VASH2: variants seen among roughly 807,000 people sequenced by gnomAD.
The protein encoded by VASH2 is vasohibin 2.
A neutral mutation model predicts 37.2 loss-of-function variants in VASH2; 28 were observed. The ratio of observed to expected loss-of-function variants is 0.75; its 90% CI spans 0.56 to 1.03. VASH2 has a LOEUF of 1.03. VASH2 is among the 50% of genes least tolerant of loss of function. VASH2 has a pLI of 0.00. For synonymous variants in VASH2, 188 were observed against 174.7 expected (o/e 1.08, Z -0.60); for missense variants, 419 against 459.1 (o/e 0.91, Z 0.80).
chr1:212,959,142 A>T (rs1263905652), intron 2 of VASH2, among the ~76,000 whole-genome samples: 1 of 152,186 alleles, frequency 6.6e-6, no homozygotes, highest in Non-Finnish European at 1.5e-5. Flanking sequence ...TGCTAAAGAC[A>T]TACTTGTTCA....
intron 7 of VASH2, among the ~76,000 whole-genome samples, chr1:212,980,872 G>A (rs78882350): frequency 0.026 from 3,907 of 152,296 alleles, 65 homozygotes; most frequent in Middle Eastern, 0.071. Context: ...CGCCAAGATG[G>A]TGAAGGGGCA....
rs111890314 is a variant in VASH2, at chr1:212,970,898, G to GA, written c.498-1672dup. Among the ~76,000 whole-genome samples, 125 of 143,504 alleles carry GA rather than the reference G, an allele frequency of 8.7e-4. 1 individual carries two copies. The highest frequency in any genetic ancestry group is 2.2e-3 in the East Asian group (11 of 4,918). The allele number at this position is 143,504 out of a possible 152,430, so 94.1% of individuals were successfully genotyped here. A position where few individuals can be genotyped will look rare whatever the true frequency, so the allele number is the denominator to read the frequency against. On this transcript the variant is annotated intron_variant, in intron 5 of 7. Transcript: ENST00000517399. ...GAGTGAGACTGTGTCTCAAAAAAAT[G>GA]AAAAAAAAAAGACCACCATTCCTCC... is the stretch of plus-strand genomic sequence containing the variant.
chr1:212,958,461 G>C (rs976480279), intron 2 of VASH2, among the ~76,000 whole-genome samples: 6 of 152,170 alleles, frequency 3.9e-5, no homozygotes, highest in African/African-American at 1.4e-4. Context: ...CTATTTTGGG[G>C]ACCACCTGCC....
At chr1:212,982,145 G>T (rs540499069) in intron 7 of VASH2, among the ~76,000 whole-genome samples, 1 of 152,208 alleles carries the variant, frequency 6.6e-6, no homozygotes, top group Non-Finnish European at 1.5e-5. Flanking sequence ...ACCTGTCATT[G>T]GGGTTAAGTG....
At chr1:212,986,189 CTT>C (rs1667474218) in intron 7 of VASH2, among the ~76,000 whole-genome samples, 1 of 152,144 alleles carries the variant, frequency 6.6e-6, no homozygotes, top group South Asian at 2.1e-4. Context: ...TGCATTTAAT[CTT>C]TTTCTAAAGC....
At chr1:212,983,250 G>A (rs1043227488) in intron 7 of VASH2, among the ~76,000 whole-genome samples, 15 of 152,184 alleles carry the variant, frequency 9.9e-5, no homozygotes, top group African/African-American at 3.6e-4. Context: ...AGTCCATTTT[G>A]TGTCGCTGTA....
In VASH2 at chr1:212,989,407, T is replaced by G. The variant is rs1489203238; in HGVS notation, c.*823T>G. On this transcript the variant is annotated 3_prime_UTR_variant, in exon 8 of 8. Transcript: ENST00000517399. ...AAAAAGCACAAGAGGTCACGTACTA[T>G]TATACAAATTTAGCGGTACTGGATT... 1 of 152,192 alleles carries G rather than the reference T, an allele frequency of 6.6e-6. No homozygotes were observed. The highest frequency in any genetic ancestry group is 1.5e-5 in the Non-Finnish European group (1 of 68,038). The allele number at this position is 152,192 out of a possible 1,614,324, so 9.4% of individuals were successfully genotyped here. A position where few individuals can be genotyped will look rare whatever the true frequency, so the allele number is the denominator to read the frequency against.
chr1:212,985,419 C>CTT (rs144366214), intron 7 of VASH2, among the ~76,000 whole-genome samples: 46 of 135,686 alleles, frequency 3.4e-4, no homozygotes, highest in African/African-American at 6.2e-4. Flanking sequence ...TAGAGACCAT[C>CTT]TTTTTTTTTT....
intron 5 of VASH2, chr1:212,969,255 A>C (rs3010775): frequency 0.08 from 73,294 of 919,896 alleles, 3,204 homozygotes; most frequent in Non-Finnish European, 0.088. Flanking sequence ...TGCAGTGGCG[A>C]GATCTCAGCT....
intron 3 of VASH2, among the ~76,000 whole-genome samples, chr1:212,963,722 T>A (rs1053955533): frequency 6.6e-6 from 1 of 152,054 alleles, no homozygotes; most frequent in Non-Finnish European, 1.5e-5. Flanking sequence ...TTTCAGGGAC[T>A]CAATGATTAA....
At position 212,988,586 on chromosome 1, in the gene VASH2, C is replaced by CA. The variant is rs1391696333; in HGVS notation, c.*4dup. 1.9e-6 allele frequency: 3 copies of CA among 1,612,264 alleles called. No homozygotes were observed. The African/African-American group carries it at 4.0e-5, about 22-fold the overall frequency. On this transcript the variant is annotated 3_prime_UTR_variant, in exon 8 of 8. Transcript: ENST00000517399. ...GTGGGCTATCAAATCCGAATTTAGC[C>CA]AAGCCATACCGGCCAGCAAGAGGGT...
Position 212,974,058 on chromosome 1 carries a change from G to T in VASH2, c.983G>T (p.Arg328Leu). 1 of 1,612,204 alleles carries T rather than the reference G, an allele frequency of 6.2e-7. No individual in the cohort carries two copies. Residue 328 changes from arginine (R) to leucine (L), a missense_variant, in exon 7 of 8, where the codon CGG becomes CTG. This residue lies in a region of VASH2 where 177 missense variants were observed against 166.2 expected (regional missense o/e 1.06). Transcript: ENST00000517399. ...GCAAGCCCCCCGAGGAGGCTCGGCC[G>T]GCGAGAGAAGTCGTGAGTAATATTT... ...RQASPPRRLG[R>L]REKSPALPEK... is the part of the protein sequence containing the mutation.
At chr1:212,966,651 A>G (rs1024093943) in intron 5 of VASH2, among the ~76,000 whole-genome samples, 4 of 152,182 alleles carry the variant, frequency 2.6e-5, no homozygotes, top group Non-Finnish European at 5.9e-5. Flanking sequence ...GAGGGACTAG[A>G]GAGAGTGTGT....
chr1:212,966,100 C>T (rs1666833078), intron 4 of VASH2, 171 bp from the exon 5 acceptor site: 3 of 634,934 alleles, frequency 4.7e-6, no homozygotes, highest in Non-Finnish European at 8.4e-6. Context: ...GCACTAACTC[C>T]AGGAATTAAC....
intron 6 of VASH2, chr1:212,973,465 A>G: frequency 2.3e-6 from 3 of 1,290,938 alleles, no homozygotes; most frequent in Non-Finnish European, 3.0e-6. Context: ...TGCTGACTTC[A>G]GGCCTGGCTA....
At chr1:212,959,068 C>T (rs186162538) in intron 2 of VASH2, among the ~76,000 whole-genome samples, 1 of 152,276 alleles carries the variant, frequency 6.6e-6, no homozygotes, top group African/African-American at 2.4e-5. Context: ...CTCCTCTCTG[C>T]CTCTGCTCCT....
chr1:212,988,785 A>G lies in VASH2; in HGVS notation c.*201A>G. Reference sequence around the variant, plus strand: ...AAGGCACCATGAAAAGGCTGAAGTAATAAGCCCCACTGGGGTTGGACTATG... The same window carrying G: ...AAGGCACCATGAAAAGGCTGAAGTAGTAAGCCCCACTGGGGTTGGACTATG... On this transcript the variant is annotated 3_prime_UTR_variant, in exon 8 of 8. Coordinates refer to ENST00000517399, the MANE Select transcript of VASH2 (RefSeq NM_001301056.2). 1 of 592,280 alleles carries G rather than the reference A, an allele frequency of 1.7e-6. No individual in the cohort carries two copies. 36.7% of individuals were successfully genotyped at this position (592,280 alleles called of 1,614,324 possible).
chr1:212,962,067 C>T (rs760304507), intron 3 of VASH2, among the ~76,000 whole-genome samples: 68 of 152,166 alleles, frequency 4.5e-4, no homozygotes, highest in Non-Finnish European at 6.9e-4. Flanking sequence ...ATGAATGGTT[C>T]GGCTTCTGGG....
chr1:212,970,845 G>A (rs1473025454), intron 5 of VASH2, among the ~76,000 whole-genome samples: 5 of 151,002 alleles, frequency 3.3e-5, no homozygotes, highest in Admixed American at 2.0e-4. Context: ...AGCTGAGATC[G>A]CACCACTGCA....
Sources: gnomAD v4.1 joint callset for allele counts (sites outside exome capture counted in the v4.1 genomes callset) on GRCh38, gnomAD v4.1.1 for gene constraint, gnomAD v4.1.1 regional missense constraint, MANE v1.5 for transcripts, NCBI Gene and HGNC (gene_info 2026-07-23, HGNC 2026-07-21) for gene names.